The following LRRC69 variants were observed in gnomAD, a reference collection of about 807,000 sequenced individuals.
LRRC69 encodes the protein leucine-rich repeat-containing protein 69.
In LRRC69, 42 loss-of-function variants were observed where a neutral mutation model predicts 37.8. The observed-to-expected ratio is 1.11, with a 90% CI of 0.87 to 1.44. The LOEUF (loss-of-function observed/expected upper bound fraction) is 1.44, where lower values mean the gene tolerates loss of function less well. Ranked by LOEUF, LRRC69 falls within the 40% of genes most tolerant of loss-of-function variation. LRRC69 has a pLI of 0.00. For synonymous variants in LRRC69, 141 were observed against 143.1 expected (o/e 0.99, Z 0.11); for missense variants, 357 against 401.9 (o/e 0.89, Z 0.96).
intron 7 of LRRC69, 139 bp from the exon 8 acceptor site, chr8:91,218,751 A>G: frequency 1.8e-6 from 1 of 550,104 alleles, no homozygotes; most frequent in Non-Finnish European, 3.1e-6. Flanking sequence ...TGTGTGAGAA[A>G]AGAGCAAATC....
chr8:91,117,953 A>G (rs1813541557), intron 1 of LRRC69, among the ~76,000 whole-genome samples: 1 of 151,888 alleles, frequency 6.6e-6, no homozygotes, highest in Non-Finnish European at 1.5e-5. Context: ...GGGAAAATGG[A>G]AAAAATTTAG....
At chr8:91,118,351 CAAAAAAAAAAAAAA>C (rs10525965) in intron 1 of LRRC69, 6 of 99,762 alleles carry the variant, frequency 6.0e-5, no homozygotes, top group African/African-American at 3.0e-4. Flanking sequence ...ACTAAAAATG[CAAAAAAAAAAAAAA>C]AAAAAAAAAA....
chr8:91,176,134 A>ATATTTTTTTTTTTT, intron 5 of LRRC69, among the ~76,000 whole-genome samples: 102 of 75,684 alleles, frequency 1.3e-3, no homozygotes, highest in African/African-American at 5.5e-3. Flanking sequence ...ATATATATAT[A>ATATTTTTTTTTTTT]TTTTTTTTTT....
intron 6 of LRRC69, among the ~76,000 whole-genome samples, chr8:91,194,367 G>A (rs1809556119): frequency 6.6e-6 from 1 of 151,496 alleles, no homozygotes; most frequent in African/African-American, 2.5e-5. Context: ...CTCATAAAAT[G>A]AGTTAGGGAG....
chr8:91,158,010 A>T, intron 5 of LRRC69: 2 of 1,323,392 alleles, frequency 1.5e-6, no homozygotes, highest in Non-Finnish European at 2.2e-6. Flanking sequence ...CTACAACTTC[A>T]TGCAGATGTT....
At chr8:91,211,038 G>C (rs1306461066) in intron 7 of LRRC69, among the ~76,000 whole-genome samples, 1 of 152,046 alleles carries the variant, frequency 6.6e-6, no homozygotes, top group Admixed American at 6.6e-5. Flanking sequence ...GCAATGAACT[G>C]ACATCAGATT....
intron 3 of LRRC69, among the ~76,000 whole-genome samples, chr8:91,131,068 T>C (rs564945937): frequency 3.3e-5 from 5 of 152,036 alleles, no homozygotes; most frequent in Non-Finnish European, 7.4e-5. Flanking sequence ...ATTCAGACCA[T>C]AGCACTGTCA....
intron 5 of LRRC69, among the ~76,000 whole-genome samples, chr8:91,139,421 A>T (rs1808492005): frequency 6.6e-6 from 1 of 151,880 alleles, no homozygotes. Context: ...GGGTGCCTGC[A>T]GTCCCAGCTA....
At chr8:91,155,983 A>G (rs1416100348) in intron 5 of LRRC69, among the ~76,000 whole-genome samples, 1 of 150,030 alleles carries the variant, frequency 6.7e-6, no homozygotes. Flanking sequence ...CTTTTGCTGG[A>G]TACTTAGGTT....
chr8:91,209,555 T>C (rs550952797), intron 7 of LRRC69: 19 of 152,378 alleles, frequency 1.2e-4, no homozygotes, highest in African/African-American at 3.6e-4. Flanking sequence ...AGGAGTGCTA[T>C]AGAATATTCT....
intron 1 of LRRC69, among the ~76,000 whole-genome samples, chr8:91,112,576 G>A (rs1813426794): frequency 6.6e-6 from 1 of 151,938 alleles, no homozygotes; most frequent in African/African-American, 2.4e-5. Flanking sequence ...AGGTATAGAA[G>A]CAATTTACCT....
chr8:91,197,492 GA>G (rs1173818766), intron 6 of LRRC69, among the ~76,000 whole-genome samples: 1 of 152,012 alleles, frequency 6.6e-6, no homozygotes, highest in African/African-American at 2.4e-5. Context: ...AGCAATCAGC[GA>G]GACTCCGTGG....
chr8:91,159,512 A>G (rs1808898828), intron 5 of LRRC69, among the ~76,000 whole-genome samples: 1 of 151,292 alleles, frequency 6.6e-6, no homozygotes, highest in South Asian at 2.1e-4. Context: ...ATGGTTGTGA[A>G]TACAATGACA....
intron 5 of LRRC69, among the ~76,000 whole-genome samples, chr8:91,166,999 A>T (rs10091375): frequency 0.032 from 4,803 of 151,832 alleles, 239 homozygotes; most frequent in African/African-American, 0.11. Context: ...TTTTAGTTAC[A>T]GTTTTTGCCC....
Position 91,118,351 on chromosome 8 carries a change from C to CAAAAAAA in LRRC69, c.184-6105_184-6099dup. ...AAAAATCCCATCTCTACTAAAAATG[C>CAAAAAAA]AAAAAAAAAAAAAAAAAAAAAAAAA... On this transcript the variant is annotated intron_variant, in intron 1 of 7. Transcript: ENST00000448384. 5.5e-4 allele frequency: 56 copies of CAAAAAAA among 102,082 alleles called. 7 individuals carry two copies. The highest frequency in any genetic ancestry group is 7.6e-4 in the African/African-American group (10 of 13,172). The allele number at this position is 102,082 out of a possible 1,614,324, so 6.3% of individuals were successfully genotyped here. A position where few individuals can be genotyped will look rare whatever the true frequency, so the allele number is the denominator to read the frequency against.
intron 1 of LRRC69, among the ~76,000 whole-genome samples, chr8:91,109,397 A>G (rs945650488): frequency 6.6e-6 from 1 of 152,124 alleles, no homozygotes; most frequent in Admixed American, 6.5e-5. Context: ...CATCACTGTT[A>G]TCTACCTAAT....
intron 5 of LRRC69, among the ~76,000 whole-genome samples, chr8:91,148,212 C>G (rs1276619309): frequency 6.6e-6 from 1 of 151,680 alleles, no homozygotes; most frequent in Non-Finnish European, 1.5e-5. Flanking sequence ...AGGTATATCT[C>G]CTAATGCTAT....
At chr8:91,122,319 C>A (rs1813639678) in intron 1 of LRRC69, among the ~76,000 whole-genome samples, 1 of 151,956 alleles carries the variant, frequency 6.6e-6, no homozygotes. Flanking sequence ...AATTACATAG[C>A]AGACAAGCTT....
intron 1 of LRRC69, among the ~76,000 whole-genome samples, chr8:91,108,061 T>C (rs1813350479): frequency 6.6e-6 from 1 of 152,064 alleles, no homozygotes; most frequent in African/African-American, 2.4e-5. Flanking sequence ...TTGACATGTA[T>C]CATAAAGTCC....
Sources: allele counts gnomAD v4.1 joint callset (sites outside exome capture counted in the v4.1 genomes callset), GRCh38; gene constraint gnomAD v4.1.1; transcripts MANE v1.5; gene names NCBI Gene and HGNC (gene_info 2026-07-23, HGNC 2026-07-21).